Variants in TWIST2 observed in about 807,000 individuals in gnomAD.
TWIST2 encodes twist-related protein 2.
Under a neutral mutation model 11.6 loss-of-function variants are expected in TWIST2, and 1 was observed. The ratio of observed to expected loss-of-function variants is 0.09; its 90% CI spans 0.03 to 0.41. TWIST2 has a LOEUF of 0.41. Among genes scored for constraint, TWIST2 ranks in the 10% least tolerant of loss-of-function variants. TWIST2 has a pLI of 0.98. For missense variants in TWIST2, 168 were observed against 226.4 expected (o/e 0.74, Z 1.66); for synonymous variants, 87 against 96.6 (o/e 0.90, Z 0.58).
At chr2:238,906,430 G>A (rs949924720) in intron 1 of TWIST2, among the ~76,000 whole-genome samples, 1 of 149,042 alleles carries the variant, frequency 6.7e-6, no homozygotes, top group East Asian at 2.0e-4. Flanking sequence ...GCACTCACAC[G>A]GATGCGCACA....
chr2:238,890,266 G>A (rs1693109631), intron 1 of TWIST2, among the ~76,000 whole-genome samples: 3 of 152,240 alleles, frequency 2.0e-5, no homozygotes, highest in Admixed American at 2.0e-4. Flanking sequence ...ACTCCAGCCT[G>A]TATCCCCACA....
intron 1 of TWIST2, among the ~76,000 whole-genome samples, chr2:238,879,199 C>T (rs960312931): frequency 6.6e-6 from 1 of 152,090 alleles, no homozygotes; most frequent in African/African-American, 2.4e-5. Flanking sequence ...TACCTAGACC[C>T]ATGTGTCTTA....
intron 1 of TWIST2, among the ~76,000 whole-genome samples, chr2:238,902,905 G>T (rs1328900314): frequency 2.8e-5 from 3 of 106,766 alleles, no homozygotes; most frequent in African/African-American, 1.2e-4. Context: ...TGTGTGATGG[G>T]TATGTGCGTG....
At chr2:238,899,977 A>T (rs1345288043) in intron 1 of TWIST2, among the ~76,000 whole-genome samples, 1 of 152,206 alleles carries the variant, frequency 6.6e-6, no homozygotes, top group African/African-American at 2.4e-5. Context: ...AAAGAAAGAA[A>T]GAAATATAAA....
At chr2:238,876,317 A>G (rs1485931185) in intron 1 of TWIST2, among the ~76,000 whole-genome samples, 1 of 152,202 alleles carries the variant, frequency 6.6e-6, no homozygotes, top group African/African-American at 2.4e-5. Context: ...AACTTAGGGG[A>G]AAAAATGACT....
chr2:238,854,135 T>C (rs547444874), intron 1 of TWIST2, among the ~76,000 whole-genome samples: 1 of 152,328 alleles, frequency 6.6e-6, no homozygotes, highest in South Asian at 2.1e-4. Flanking sequence ...TTAGTTCAGA[T>C]TTTCCCTTCA....
At position 238,867,473 on chromosome 2, in the gene TWIST2, C is replaced by T. The variant is rs1361181340; in HGVS notation, c.*35+18740C>T. On this transcript the variant is annotated intron_variant, in intron 1 of 1. Coordinates refer to ENST00000612363, the MANE Select transcript of TWIST2 (RefSeq NM_001271893.4). This position sits in a 1 kb window ranked among gnomAD's most constrained non-coding sequence, Gnocchi z 4.8. ...TGCAGTGGCTCTGGGGGCAGGGGCA[C>T]AATAAAGAGAAGTCCCAGCCAGCTC... is the stretch of plus-strand genomic sequence containing the variant. Among the ~76,000 whole-genome samples, 1 of 151,316 alleles carries T rather than the reference C, an allele frequency of 6.6e-6. No homozygotes were observed. Among genetic ancestry groups the T allele is most frequent in the Non-Finnish European group, 1.5e-5 (1 of 67,944 alleles).
At chr2:238,877,742 C>T (rs1692832901) in intron 1 of TWIST2, among the ~76,000 whole-genome samples, 1 of 152,166 alleles carries the variant, frequency 6.6e-6, no homozygotes, top group South Asian at 2.1e-4. Flanking sequence ...CTACTGTGAA[C>T]ATATCATTTC....
chr2:238,848,841 CG>C, intron 1 of TWIST2, 108 bp downstream of exon 1: 1 of 934,296 alleles, frequency 1.1e-6, no homozygotes, highest in East Asian at 3.6e-5. Context: ...CCGCGGGCCG[CG>C]GGGGCTTGGA....
intron 1 of TWIST2, among the ~76,000 whole-genome samples, chr2:238,905,958 C>G (rs1422476655): frequency 9.3e-6 from 1 of 107,680 alleles, no homozygotes; most frequent in Non-Finnish European, 2.1e-5. Context: ...CGCGTGTGTA[C>G]GTGTGCGTGT....
At chr2:238,862,362 A>G (rs1692450598) in intron 1 of TWIST2, among the ~76,000 whole-genome samples, 1 of 152,232 alleles carries the variant, frequency 6.6e-6, no homozygotes, top group Admixed American at 6.5e-5. Flanking sequence ...TCTTACTAGA[A>G]AAAGGGCCTT....
At chr2:238,902,931 G>A (rs1693292180) in intron 1 of TWIST2, among the ~76,000 whole-genome samples, 1 of 1,060 alleles carries the variant, frequency 9.4e-4, no homozygotes, top group Non-Finnish European at 2.0e-3. Flanking sequence ...AGGTGTGTGT[G>A]ATGTGGGTGT....
At chr2:238,885,407 C>G (rs1027265888) in intron 1 of TWIST2, among the ~76,000 whole-genome samples, 1 of 152,212 alleles carries the variant, frequency 6.6e-6, no homozygotes, top group Non-Finnish European at 1.5e-5. Flanking sequence ...CACATTTGAC[C>G]AAGGGAAGAA....
intron 1 of TWIST2, among the ~76,000 whole-genome samples, chr2:238,891,056 G>A (rs1018354765): frequency 4.6e-5 from 7 of 152,220 alleles, no homozygotes; most frequent in African/African-American, 1.7e-4. Context: ...TCTCAGTTCT[G>A]CAGTTCACTC....
rs1229428285 is a variant in TWIST2 at position 238,867,370 on chromosome 2, AACACACACACACAC to A, written c.*35+18666_*35+18679del. On this transcript the variant is annotated intron_variant, in intron 1 of 1. Transcript: ENST00000612363. This position sits in a 1 kb window ranked among gnomAD's most constrained non-coding sequence, Gnocchi z 4.8. ...CTGGGGAGTAAAATGTCCTGCCTTC[AACACACACACACAC>A]ACACACACACACACACACACACACA... 1.7e-4 allele frequency among the ~76,000 whole-genome samples: 20 copies of A among 119,634 alleles called. No homozygotes were observed. The highest frequency in any genetic ancestry group is 3.1e-4 in the South Asian group (1 of 3,228). 78.5% of individuals were successfully genotyped at this position (119,634 alleles called of 152,430 possible).
At chr2:238,871,913 T>C (rs1332286568) in intron 1 of TWIST2, among the ~76,000 whole-genome samples, 3 of 151,888 alleles carry the variant, frequency 2.0e-5, no homozygotes, top group African/African-American at 7.3e-5. Flanking sequence ...GAAGTGCGTG[T>C]TTAGTGGGGA....
chr2:238,870,296 ACCCCCACACACCCCACACAC>A (rs1559273846), intron 1 of TWIST2, among the ~76,000 whole-genome samples: 2 of 104 alleles, frequency 0.019, 1 homozygote, highest in African/African-American at 0.14. Context: ...CATACCACAC[ACCCCCACACACCCCACACAC>A]CCCCACACAC....
intron 1 of TWIST2, among the ~76,000 whole-genome samples, chr2:238,870,366 C>T (rs1352002011): frequency 8.0e-4 from 1 of 1,254 alleles, no homozygotes. Flanking sequence ...CACACACACA[C>T]CACACACCCC....
chr2:238,868,505 G>A (rs1013189938), intron 1 of TWIST2, among the ~76,000 whole-genome samples: 3 of 152,194 alleles, frequency 2.0e-5, no homozygotes, highest in South Asian at 2.1e-4. Flanking sequence ...ATGGCCAGAC[G>A]GATCCCAGTC....
Sources: gnomAD v4.1 joint callset for allele counts (sites outside exome capture counted in the v4.1 genomes callset) on GRCh38, gnomAD v4.1.1 for gene constraint, Gnocchi (gnomAD v3.1) non-coding constraint, MANE v1.5 for transcripts, NCBI Gene and HGNC (gene_info 2026-07-23, HGNC 2026-07-21) for gene names.